Variants in TENM3 observed in about 807,000 individuals in gnomAD.
TENM3 encodes teneurin transmembrane protein 3.
TENM3 carries 63 observed loss-of-function variants against 255.1 expected under a neutral mutation model. That is an observed-to-expected ratio of 0.25 (90% confidence interval 0.20 to 0.30). The LOEUF (loss-of-function observed/expected upper bound fraction) is 0.30, where lower values mean the gene tolerates loss of function less well. TENM3 is among the 10% of genes least tolerant of loss of function. The probability of loss-of-function intolerance (pLI) is 1.00; values close to 1 mark genes in which losing one functional copy is unlikely to be tolerated. For synonymous variants in TENM3, 1,306 were observed against 1,322.3 expected (o/e 0.99, Z 0.27); for missense variants, 2,929 against 3,461.1 (o/e 0.85, Z 3.86).
the TENM3 span, among the ~76,000 whole-genome samples, chr4:181,616,422 G>T: frequency 6.9e-6 from 1 of 145,624 alleles, no homozygotes; most frequent in Admixed American, 6.9e-5. Flanking sequence ...TATAAGTAGG[G>T]TATACTCATA....
At chr4:181,612,982 T>C in the TENM3 span, among the ~76,000 whole-genome samples, 2 of 152,194 alleles carry the variant, frequency 1.3e-5, no homozygotes, top group Non-Finnish European at 2.9e-5. Context: ...TTTTAATAGG[T>C]CTTAAGTTTC....
At chr4:181,520,116 A>G in the TENM3 span, among the ~76,000 whole-genome samples, 1 of 152,196 alleles carries the variant, frequency 6.6e-6, no homozygotes, top group South Asian at 2.1e-4. Flanking sequence ...GCAAAGCCCC[A>G]AATCCTCTAC....
intron 3 of TENM3, among the ~76,000 whole-genome samples, chr4:182,427,982 G>C (rs1336453916): frequency 6.7e-6 from 1 of 148,222 alleles, no homozygotes; most frequent in South Asian, 2.1e-4. Context: ...TGACCTTTCT[G>C]TTCCCACAAA....
At chr4:181,506,473 G>A in the TENM3 span, among the ~76,000 whole-genome samples, 1 of 152,008 alleles carries the variant, frequency 6.6e-6, no homozygotes, top group East Asian at 1.9e-4. Context: ...CAAAAAGCTG[G>A]GAAAAAATAT....
intron 3 of TENM3, among the ~76,000 whole-genome samples, chr4:182,363,090 C>G (rs1766144475): frequency 6.6e-6 from 1 of 152,150 alleles, no homozygotes; most frequent in Admixed American, 6.5e-5. Context: ...GCAGTACATT[C>G]TTATCCAAAA....
At chr4:182,202,374 C>T (rs1023918329) in intron 1 of TENM3, among the ~76,000 whole-genome samples, 17 of 145,758 alleles carry the variant, frequency 1.2e-4, no homozygotes, top group African/African-American at 4.1e-4. Context: ...GGTGCAATCT[C>T]GGCTCACCAC....
the TENM3 span, among the ~76,000 whole-genome samples, chr4:181,630,914 T>A: frequency 6.6e-6 from 1 of 152,286 alleles, no homozygotes; most frequent in South Asian, 2.1e-4. Context: ...TATTGCTGCA[T>A]AACAAAATTC....
In TENM3 at chr4:182,489,230, AT is replaced by A. The variant is rs1374816625; in HGVS notation, c.512-111690del. Among the ~76,000 whole-genome samples, 52 of 151,010 alleles carry A rather than the reference AT, an allele frequency of 3.4e-4. No individual in the cohort carries two copies. The South Asian group carries it at 4.1e-3, about 12-fold the overall frequency. ...CATGAAGCCTTATGAGAAATAGTACATTTTATAATGTGCTCTAATAAAGGGA... is the reference window on the plus strand; with the variant it reads ...CATGAAGCCTTATGAGAAATAGTACATTTATAATGTGCTCTAATAAAGGGA... On this transcript the variant is annotated intron_variant, in intron 3 of 27. Coordinates refer to ENST00000511685, the MANE Select transcript of TENM3 (RefSeq NM_001080477.4).
At chr4:182,613,781 A>G (rs1433954943) in intron 4 of TENM3, among the ~76,000 whole-genome samples, 1 of 152,238 alleles carries the variant, frequency 6.6e-6, no homozygotes, top group East Asian at 1.9e-4. Flanking sequence ...TTACTAATAT[A>G]TTGATATTGC....
At chr4:182,607,273 TTTGTC>T (rs1748521738) in intron 4 of TENM3, among the ~76,000 whole-genome samples, 1 of 152,220 alleles carries the variant, frequency 6.6e-6, no homozygotes, top group Non-Finnish European at 1.5e-5. Flanking sequence ...CTGAGATATT[TTTGTC>T]TAATTTATCT....
the TENM3 span, among the ~76,000 whole-genome samples, chr4:181,447,695 A>T: frequency 6.6e-6 from 1 of 152,156 alleles, no homozygotes; most frequent in African/African-American, 2.4e-5. Flanking sequence ...CAGAAGGCCT[A>T]GGCACAACCC....
chr4:182,745,509 C>G (rs1158481352), intron 19 of TENM3, among the ~76,000 whole-genome samples: 1 of 152,164 alleles, frequency 6.6e-6, no homozygotes, highest in Non-Finnish European at 1.5e-5. Flanking sequence ...CGGGCCTATT[C>G]CATGCCGGGC....
At chr4:182,566,278 T>A (rs1446581164) in intron 3 of TENM3, among the ~76,000 whole-genome samples, 1 of 152,206 alleles carries the variant, frequency 6.6e-6, no homozygotes, top group African/African-American at 2.4e-5. Flanking sequence ...TCCTCTTGTT[T>A]GTGACGCGAT....
intron 3 of TENM3, among the ~76,000 whole-genome samples, chr4:182,404,901 T>C (rs901563813): frequency 6.6e-6 from 1 of 152,184 alleles, no homozygotes; most frequent in African/African-American, 2.4e-5. Context: ...TGCATTCTCC[T>C]TGAATGCTCT....
At chr4:182,573,747 A>G (rs564886639) in intron 3 of TENM3, among the ~76,000 whole-genome samples, 36 of 152,340 alleles carry the variant, frequency 2.4e-4, no homozygotes, top group African/African-American at 8.7e-4. Context: ...GTGCGATTTC[A>G]TATTAAAAAG....
At chr4:181,558,430 A>G in the TENM3 span, among the ~76,000 whole-genome samples, 1,742 of 152,366 alleles carry the variant, frequency 0.011, 42 homozygotes, top group African/African-American at 0.04. Context: ...CTGCTAAAAT[A>G]CAAATGTGGA....
chr4:182,022,922 G>T, the TENM3 span, among the ~76,000 whole-genome samples: 1 of 152,106 alleles, frequency 6.6e-6, no homozygotes, highest in African/African-American at 2.4e-5. Context: ...AGTGGATAGG[G>T]GCTGAGGAGG....
At chr4:182,727,228 G>T (rs997763076) in intron 13 of TENM3, among the ~76,000 whole-genome samples, 1 of 152,104 alleles carries the variant, frequency 6.6e-6, no homozygotes, top group Non-Finnish European at 1.5e-5. Context: ...GGCCTAGGCG[G>T]GTGGATCACT....
intron 3 of TENM3, among the ~76,000 whole-genome samples, chr4:182,422,716 A>G (rs899493292): frequency 6.6e-6 from 1 of 152,222 alleles, no homozygotes; most frequent in African/African-American, 2.4e-5. Flanking sequence ...ATATCTGGAC[A>G]AAAATTTTAA....
Sources: gnomAD v4.1 joint callset for allele counts (sites outside exome capture counted in the v4.1 genomes callset) on GRCh38, gnomAD v4.1.1 for gene constraint, MANE v1.5 for transcripts, NCBI Gene and HGNC (gene_info 2026-07-23, HGNC 2026-07-21) for gene names.